The following UTRN variants were observed in gnomAD, a reference collection of about 807,000 sequenced individuals.
The protein encoded by UTRN is utrophin, also known as dystrophin-related protein 1.
In UTRN, 283 loss-of-function variants were observed where a neutral mutation model predicts 463.9. The ratio of observed to expected loss-of-function variants is 0.61; its 90% CI spans 0.55 to 0.67. The LOEUF is 0.67. UTRN is among the 30% of genes least tolerant of loss of function. The probability of loss-of-function intolerance (pLI) is 0.00; values close to 1 mark genes in which losing one functional copy is unlikely to be tolerated. For missense variants in UTRN, 3,922 were observed against 4,084.3 expected, an observed-to-expected ratio of 0.96 and a Z score of 1.08; for synonymous variants, 1,442 against 1,431.5, an observed-to-expected ratio of 1.01 and a Z score of -0.17.
chr6:144,573,063 A>G (rs934673700), intron 50 of UTRN, among the ~76,000 whole-genome samples: 6 of 152,088 alleles, frequency 3.9e-5, no homozygotes, highest in Admixed American at 6.6e-5. Context: ...CATCTGTTTT[A>G]TCCCGACTTT....
At chr6:144,601,927 C>G (rs1804290725) in intron 51 of UTRN, among the ~76,000 whole-genome samples, 1 of 152,106 alleles carries the variant, frequency 6.6e-6, no homozygotes, top group South Asian at 2.1e-4. Context: ...AAGGTTATGA[C>G]TTGCTGAAGG....
At chr6:144,393,097 G>A (rs544568970) in intron 2 of UTRN, among the ~76,000 whole-genome samples, 6 of 152,162 alleles carry the variant, frequency 3.9e-5, no homozygotes, top group Admixed American at 2.0e-4. Flanking sequence ...ATTCTGAAGT[G>A]AGATGTTATT....
rs895612105 is a variant in UTRN at position 144,577,462 on chromosome 6, CTTAATG to C, written c.7479+178_7479+183del. On this transcript the variant is annotated intron_variant, in intron 51 of 74. Coordinates refer to ENST00000367545, the MANE Select transcript of UTRN (RefSeq NM_007124.3). ...AAATAAGCTCTATTAGATATTTTTA[CTTAATG>C]TTAGAGGGGAAAAAACCCACCTTGT... Among the ~76,000 whole-genome samples the C allele has an allele frequency of 3.3e-5, 5 of 152,228 alleles. 1 individual carries two copies. The highest frequency in any genetic ancestry group is 1.2e-4 in the African/African-American group (5 of 41,546).
chr6:144,754,641 T>A, intron 56 of UTRN, 79 bp from the exon 57 acceptor site: 1 of 1,453,502 alleles, frequency 6.9e-7, no homozygotes, highest in Non-Finnish European at 9.5e-7. Context: ...TTTATTATAG[T>A]CTTTAAAGCA....
At chr6:144,518,351 G>A (rs897566772) in intron 39 of UTRN, among the ~76,000 whole-genome samples, 3 of 152,092 alleles carry the variant, frequency 2.0e-5, no homozygotes, top group Non-Finnish European at 2.9e-5. Context: ...TCAATATAAC[G>A]ACATACAAAG....
At chr6:144,670,524 G>A (rs1050861663) in intron 51 of UTRN, among the ~76,000 whole-genome samples, 7 of 151,930 alleles carry the variant, frequency 4.6e-5, no homozygotes, top group East Asian at 3.9e-4. Flanking sequence ...GATTCTGGAT[G>A]TTAGTCCTTT....
At position 144,537,569 on chromosome 6, in the gene UTRN, T is replaced by G. The variant is rs1430891279; in HGVS notation, c.6234-13T>G. On this transcript the variant is annotated splice_polypyrimidine_tract_variant and intron_variant, in intron 43 of 74. Transcript: ENST00000367545. ...GTTTTTCCTCAATATTTTTAAATAA[T>G]ATATTCTTTTAGGCTAAAAGGAGAA... 6.6e-7 allele frequency: 1 copy of G among 1,517,466 alleles called. No individual in the cohort carries two copies. Among genetic ancestry groups the G allele is most frequent in the Non-Finnish European group, 8.8e-7 (1 of 1,135,952 alleles). The allele number at this position is 1,517,466 out of a possible 1,614,324, so 94.0% of individuals were successfully genotyped here.
intron 51 of UTRN, among the ~76,000 whole-genome samples, chr6:144,599,572 A>AT (rs1804022882): frequency 6.6e-6 from 1 of 152,218 alleles, no homozygotes; most frequent in Non-Finnish European, 1.5e-5. Flanking sequence ...CATATACAGC[A>AT]AATCACTTAT....
At chr6:144,431,888 A>C (rs1785885148) in intron 9 of UTRN, among the ~76,000 whole-genome samples, 1 of 151,912 alleles carries the variant, frequency 6.6e-6, no homozygotes, top group Non-Finnish European at 1.5e-5. Flanking sequence ...TCATTTCTTA[A>C]CTCATATATT....
At chr6:144,665,884 T>G (rs981425913) in intron 51 of UTRN, among the ~76,000 whole-genome samples, 17 of 152,196 alleles carry the variant, frequency 1.1e-4, no homozygotes, top group Non-Finnish European at 2.5e-4. Flanking sequence ...ACATTGCTTC[T>G]GCCCTGTTTT....
intron 46 of UTRN, among the ~76,000 whole-genome samples, chr6:144,546,304 T>C (rs1798400626): frequency 6.6e-6 from 1 of 152,180 alleles, no homozygotes; most frequent in South Asian, 2.1e-4. Context: ...TCTACAGCAT[T>C]ACCAGCACCT....
At chr6:144,550,837 T>C in intron 47 of UTRN, 128 bp from the exon 48 acceptor site, 1 of 636,520 alleles carries the variant, frequency 1.6e-6, no homozygotes, top group Non-Finnish European at 2.4e-6. Context: ...TTCTGCCACG[T>C]TGCTGATGCT....
intron 69 of UTRN, among the ~76,000 whole-genome samples, chr6:144,831,100 A>G (rs1010004341): frequency 5.3e-5 from 8 of 152,186 alleles, no homozygotes; most frequent in African/African-American, 9.7e-5. Flanking sequence ...ATAGGCTAGA[A>G]AGGAAATAGA....
intron 51 of UTRN, among the ~76,000 whole-genome samples, chr6:144,623,833 G>A (rs1297942120): frequency 6.6e-6 from 1 of 152,088 alleles, no homozygotes; most frequent in Admixed American, 6.5e-5. Context: ...CTGAAAGACA[G>A]GAAGATGAAA....
chr6:144,757,681 A>G (rs1397520898), intron 57 of UTRN, among the ~76,000 whole-genome samples: 1 of 152,106 alleles, frequency 6.6e-6, no homozygotes, highest in Non-Finnish European at 1.5e-5. Flanking sequence ...TGAAAGTTTA[A>G]AAGTATTTTT....
chr6:144,700,481 C>A (rs1201325761), intron 53 of UTRN, among the ~76,000 whole-genome samples: 2 of 151,740 alleles, frequency 1.3e-5, no homozygotes, highest in East Asian at 3.9e-4. Flanking sequence ...TATAATATTG[C>A]TTTTAGCTTA....
intron 54 of UTRN, among the ~76,000 whole-genome samples, chr6:144,731,220 T>G (rs1788480065): frequency 6.6e-6 from 1 of 152,074 alleles, no homozygotes; most frequent in Non-Finnish European, 1.5e-5. Context: ...CCTGTAACAT[T>G]TATATACTTT....
chr6:144,608,198 G>A (rs1047306176), intron 51 of UTRN, among the ~76,000 whole-genome samples: 5 of 152,144 alleles, frequency 3.3e-5, no homozygotes, highest in African/African-American at 9.6e-5. Flanking sequence ...TCAGTTGAAG[G>A]CCTTAATAGA....
chr6:144,789,424 A>G (rs553685164), intron 62 of UTRN, 145 bp downstream of exon 62: 1 of 656,838 alleles, frequency 1.5e-6, no homozygotes, highest in African/African-American at 1.9e-5. Context: ...ACCAAGTTAG[A>G]CAGAGGGTGG....
Sources: gnomAD v4.1 joint callset for allele counts (sites outside exome capture counted in the v4.1 genomes callset) on GRCh38, gnomAD v4.1.1 for gene constraint, MANE v1.5 for transcripts, NCBI Gene and HGNC (gene_info 2026-07-23, HGNC 2026-07-21) for gene names.